Variants in MOXD1 observed in about 807,000 individuals in gnomAD.
MOXD1 encodes monooxygenase DBH like 1, also known as DBH-like monooxygenase protein 1.
MOXD1 carries 62 observed loss-of-function variants against 66.6 expected under a neutral mutation model. The observed-to-expected ratio is 0.93, with a 90% confidence interval of 0.76 to 1.15. The LOEUF (loss-of-function observed/expected upper bound fraction) is 1.15. Ranked by LOEUF, MOXD1 falls within the 50% of genes most tolerant of loss-of-function variation. The probability of loss-of-function intolerance (pLI) is 0.00; values close to 1 mark genes in which losing one functional copy is unlikely to be tolerated. For synonymous variants in MOXD1, 303 were observed against 281.9 expected (o/e 1.07, Z -0.75); for missense variants, 847 against 754.6 (o/e 1.12, Z -1.44).
intron 8 of MOXD1, among the ~76,000 whole-genome samples, chr6:132,321,439 C>T (rs764191303): frequency 2.6e-5 from 4 of 152,110 alleles, no homozygotes; most frequent in Admixed American, 1.3e-4. Context: ...GCCTTTATTT[C>T]CTTACAATAG....
At chr6:132,331,059 GTAGT>G (rs1172623078) in intron 4 of MOXD1, among the ~76,000 whole-genome samples, 1 of 152,128 alleles carries the variant, frequency 6.6e-6, no homozygotes, top group Non-Finnish European at 1.5e-5. Flanking sequence ...CTTGAAAAGG[GTAGT>G]TATCGTTCAA....
At chr6:132,303,807 A>ATG (rs768465608) in intron 10 of MOXD1, among the ~76,000 whole-genome samples, 1,602 of 47,530 alleles carry the variant, frequency 0.034, 37 homozygotes, top group Non-Finnish European at 0.041. Flanking sequence ...ATACACACAC[A>ATG]TGTGTGTGTG....
At chr6:132,377,278 A>C (rs564475737) in intron 1 of MOXD1, among the ~76,000 whole-genome samples, 2 of 152,332 alleles carry the variant, frequency 1.3e-5, no homozygotes, top group South Asian at 4.1e-4. Flanking sequence ...ATAGATTTTC[A>C]ATATGTAAAT....
chr6:132,349,476 T>TAC lies in MOXD1; in HGVS notation c.664-20883_664-20882insGT, dbSNP rs1432812519. ...ACATATATATATATACATATATATA[T>TAC]ATATACATATATATATATACCACAG... On this transcript the variant is annotated intron_variant, in intron 4 of 11. Transcript: ENST00000367963. Among the ~76,000 whole-genome samples the TAC allele has an allele frequency of 7.7e-5, 3 of 39,046 alleles. 1 individual carries two copies. The highest frequency in any genetic ancestry group is 2.3e-4 in the African/African-American group (3 of 12,904). The allele number at this position is 39,046 out of a possible 152,430, so 25.6% of individuals were successfully genotyped here.
chr6:132,308,666 T>C (rs992103033), intron 10 of MOXD1, among the ~76,000 whole-genome samples: 1 of 152,132 alleles, frequency 6.6e-6, no homozygotes, highest in South Asian at 2.1e-4. Context: ...AAAAAACTTA[T>C]CCACCACAAT....
At chr6:132,364,110 T>G (rs1562293872) in intron 4 of MOXD1, among the ~76,000 whole-genome samples, 1 of 152,178 alleles carries the variant, frequency 6.6e-6, no homozygotes, top group Non-Finnish European at 1.5e-5. Flanking sequence ...GGCCATAGAA[T>G]GGAAGACTAA....
intron 4 of MOXD1, among the ~76,000 whole-genome samples, chr6:132,356,536 AC>A (rs1327511722): frequency 6.6e-6 from 1 of 152,226 alleles, no homozygotes; most frequent in African/African-American, 2.4e-5. Context: ...TAGGAATGAA[AC>A]CACCAATACA....
chr6:132,374,441 G>A (rs529835124), intron 2 of MOXD1, among the ~76,000 whole-genome samples, 190 bp downstream of exon 2: 1 of 150,740 alleles, frequency 6.6e-6, no homozygotes, highest in Non-Finnish European at 1.5e-5. Context: ...TGAAATTTTT[G>A]GTCTTACACA....
chr6:132,369,922 A>T (rs1223871358), intron 4 of MOXD1, among the ~76,000 whole-genome samples: 1 of 152,144 alleles, frequency 6.6e-6, no homozygotes, highest in Non-Finnish European at 1.5e-5. Flanking sequence ...GGGTCTAGGC[A>T]CTATCAACAT....
At chr6:132,345,532 T>C (rs1775652107) in intron 4 of MOXD1, among the ~76,000 whole-genome samples, 1 of 152,222 alleles carries the variant, frequency 6.6e-6, no homozygotes, top group South Asian at 2.1e-4. Flanking sequence ...CCATTATCTG[T>C]CTATAATATT....
chr6:132,341,521 T>G (rs1274465536), intron 4 of MOXD1, among the ~76,000 whole-genome samples: 1 of 152,232 alleles, frequency 6.6e-6, no homozygotes, highest in Non-Finnish European at 1.5e-5. Context: ...CTTGTTAATC[T>G]GACCAATCAT....
At chr6:132,321,728 C>G (rs1562281471) in intron 8 of MOXD1, among the ~76,000 whole-genome samples, 1 of 152,194 alleles carries the variant, frequency 6.6e-6, no homozygotes, top group East Asian at 1.9e-4. Flanking sequence ...GTTTGGAAAA[C>G]CCCAGAGACA....
intron 4 of MOXD1, among the ~76,000 whole-genome samples, chr6:132,329,946 G>C (rs1218228358): frequency 1.3e-5 from 2 of 152,134 alleles, no homozygotes; most frequent in African/African-American, 4.8e-5. Context: ...CAGTGAAATT[G>C]GTCCTAATGT....
At chr6:132,372,015 T>G (rs1421293066) in intron 4 of MOXD1, among the ~76,000 whole-genome samples, 1 of 152,184 alleles carries the variant, frequency 6.6e-6, no homozygotes. Flanking sequence ...TTTAAAAATA[T>G]TTGTTCATTC....
intron 4 of MOXD1, among the ~76,000 whole-genome samples, chr6:132,351,285 G>A (rs1371455579): frequency 6.6e-6 from 1 of 152,076 alleles, no homozygotes; most frequent in African/African-American, 2.4e-5. Context: ...GTTTGTCGTA[G>A]ATGGCTTTTA....
chr6:132,346,946 A>T (rs1775679230), intron 4 of MOXD1, among the ~76,000 whole-genome samples: 1 of 152,222 alleles, frequency 6.6e-6, no homozygotes, highest in Non-Finnish European at 1.5e-5. Flanking sequence ...AAGGCTGCAG[A>T]TCTAAGCCAC....
chr6:132,306,862 G>A (rs1774704411), intron 10 of MOXD1, among the ~76,000 whole-genome samples: 1 of 152,148 alleles, frequency 6.6e-6, no homozygotes, highest in African/African-American at 2.4e-5. Flanking sequence ...CCTGAAAGAA[G>A]CACTAAATAT....
At chr6:132,310,552 T>C (rs531323279) in intron 10 of MOXD1, among the ~76,000 whole-genome samples, 1 of 152,284 alleles carries the variant, frequency 6.6e-6, no homozygotes, top group Non-Finnish European at 1.5e-5. Flanking sequence ...CACTTGTATG[T>C]TTATTGCAGC....
intron 4 of MOXD1, among the ~76,000 whole-genome samples, chr6:132,350,589 C>T (rs1248546699): frequency 2.6e-5 from 4 of 152,076 alleles, no homozygotes; most frequent in Non-Finnish European, 5.9e-5. Flanking sequence ...CTTAGTCTTG[C>T]TTTGGCTATG....
Sources: allele counts gnomAD v4.1 joint callset (sites outside exome capture counted in the v4.1 genomes callset), GRCh38; gene constraint gnomAD v4.1.1; transcripts MANE v1.5; gene names NCBI Gene and HGNC (gene_info 2026-07-23, HGNC 2026-07-21).